Variants in SYN3 observed in about 807,000 individuals in gnomAD.
The protein encoded by SYN3 is synapsin-3.
SYN3 carries 35 observed loss-of-function variants against 65.8 expected under a neutral mutation model. That is an observed-to-expected ratio of 0.53 (90% CI 0.41 to 0.70). SYN3 has a LOEUF of 0.70. SYN3 is among the 30% of genes least tolerant of loss of function. The pLI is 0.00. For missense variants in SYN3, 680 were observed against 749.0 expected (o/e 0.91, Z 1.08); for synonymous variants, 270 against 292.9 (o/e 0.92, Z 0.80).
chr22:32,696,089 G>C (rs959583508), intron 6 of SYN3, among the ~76,000 whole-genome samples: 1 of 152,122 alleles, frequency 6.6e-6, no homozygotes, highest in Admixed American at 6.5e-5. Context: ...CTAGTGTAAG[G>C]GTCCAGTGCT....
chr22:33,027,619 GA>G, intron 1 of SYN3, among the ~76,000 whole-genome samples: 1 of 119,366 alleles, frequency 8.4e-6, no homozygotes, highest in Admixed American at 8.4e-5. Flanking sequence ...GAGAAAGAAG[GA>G]AAGACAGACA....
chr22:32,558,018 T>C (rs192987882), intron 7 of SYN3, among the ~76,000 whole-genome samples: 2 of 152,370 alleles, frequency 1.3e-5, no homozygotes, highest in Admixed American at 1.3e-4. Context: ...GTTGAGTTTG[T>C]AACTGTGTAT....
At position 32,512,338 on chromosome 22, in the gene SYN3, CAT is replaced by C. The variant is rs1247294297; in HGVS notation, c.*1352_*1353del. ...TGCGAAGTGGGAGGCAAGGGGCTAA[CAT>C]GGCTATGTTCTAATATCTTGGGCTC... On this transcript the variant is annotated 3_prime_UTR_variant, in exon 14 of 14. Coordinates refer to ENST00000358763, the MANE Select transcript of SYN3 (RefSeq NM_003490.4). Among the ~76,000 whole-genome samples the C allele has an allele frequency of 6.6e-6, 1 of 152,196 alleles. No homozygotes were observed. The highest frequency in any genetic ancestry group is 1.5e-5 in the Non-Finnish European group (1 of 68,032).
At chr22:32,673,485 G>T (rs1365214087) in intron 6 of SYN3, among the ~76,000 whole-genome samples, 1 of 152,142 alleles carries the variant, frequency 6.6e-6, no homozygotes, top group Non-Finnish European at 1.5e-5. Flanking sequence ...ATAAACAAAA[G>T]ATTTCAAGAA....
intron 7 of SYN3, among the ~76,000 whole-genome samples, chr22:32,580,480 T>C (rs1012344634): frequency 6.6e-6 from 1 of 152,176 alleles, no homozygotes; most frequent in African/African-American, 2.4e-5. Flanking sequence ...GTGCCTAAAT[T>C]TATAAATTAA....
intron 1 of SYN3, among the ~76,000 whole-genome samples, chr22:33,013,755 A>ATTC (rs1223834141): frequency 6.6e-6 from 1 of 152,064 alleles, no homozygotes; most frequent in Admixed American, 6.6e-5. Context: ...AGGCAACCAC[A>ATTC]TTCTACTCTC....
intron 6 of SYN3, among the ~76,000 whole-genome samples, chr22:32,839,908 G>C (rs2047844214): frequency 6.6e-6 from 1 of 151,884 alleles, no homozygotes; most frequent in South Asian, 2.1e-4. Context: ...ACGTCAGCAG[G>C]GGCCCTGAGT....
chr22:32,593,762 C>T (rs145378135), intron 7 of SYN3, among the ~76,000 whole-genome samples: 7 of 152,164 alleles, frequency 4.6e-5, no homozygotes, highest in South Asian at 4.1e-4. Flanking sequence ...AAAGGTGACT[C>T]GGGAGTCTGT....
intron 7 of SYN3, among the ~76,000 whole-genome samples, chr22:32,554,659 A>G (rs135486): frequency 0.87 from 132,060 of 152,020 alleles, 57,560 homozygotes; most frequent in African/African-American, 0.95. Flanking sequence ...CTTAGACTGT[A>G]TGGTCCAACC....
chr22:32,968,605 T>C (rs2146927658), intron 3 of SYN3, among the ~76,000 whole-genome samples: 1 of 152,306 alleles, frequency 6.6e-6, no homozygotes, highest in East Asian at 1.9e-4. Flanking sequence ...TGGCATACCC[T>C]GGTCATTTGC....
intron 7 of SYN3, among the ~76,000 whole-genome samples, chr22:32,563,590 G>A (rs2058616986): frequency 6.6e-6 from 1 of 152,188 alleles, no homozygotes; most frequent in South Asian, 2.1e-4. Context: ...GTGTGAGGAG[G>A]CATGTGCCGA....
At chr22:32,586,137 TACATATAC>T (rs1260805609) in intron 7 of SYN3, among the ~76,000 whole-genome samples, 2 of 150,982 alleles carry the variant, frequency 1.3e-5, no homozygotes, top group East Asian at 3.9e-4. Context: ...TGTATGTATA[TACATATAC>T]ACATATACAC....
At chr22:32,780,180 A>G (rs1376383617) in intron 6 of SYN3, among the ~76,000 whole-genome samples, 1 of 151,970 alleles carries the variant, frequency 6.6e-6, no homozygotes, top group Non-Finnish European at 1.5e-5. Context: ...CTGTCTGGTT[A>G]CAAAGGAAGC....
At chr22:32,572,406 C>A (rs1424222801) in intron 7 of SYN3, among the ~76,000 whole-genome samples, 2 of 81,924 alleles carry the variant, frequency 2.4e-5, no homozygotes, top group Non-Finnish European at 4.7e-5. Context: ...CTCCCTCCCT[C>A]CTGTCTTTCC....
At chr22:32,805,225 C>T (rs1352894912) in intron 6 of SYN3, among the ~76,000 whole-genome samples, 1 of 152,154 alleles carries the variant, frequency 6.6e-6, no homozygotes, top group African/African-American at 2.4e-5. Flanking sequence ...GGAATTTGAG[C>T]ATGAGGCTCA....
chr22:32,954,474 A>G (rs578118467), intron 3 of SYN3, among the ~76,000 whole-genome samples: 1 of 152,376 alleles, frequency 6.6e-6, no homozygotes, highest in East Asian at 1.9e-4. Context: ...AACAGTGGTT[A>G]ATGTTTCCTT....
chr22:32,623,199 T>C (rs1486611250), intron 6 of SYN3, among the ~76,000 whole-genome samples: 2 of 152,010 alleles, frequency 1.3e-5, no homozygotes, highest in African/African-American at 4.8e-5. Context: ...AGTTTTTTTT[T>C]CAATGGAGAC....
chr22:32,777,452 A>C (rs184860181), intron 6 of SYN3, among the ~76,000 whole-genome samples: 1 of 152,228 alleles, frequency 6.6e-6, no homozygotes, highest in African/African-American at 2.4e-5. Flanking sequence ...GACTCGGTGC[A>C]ATATTGTCCC....
chr22:32,814,565 T>C (rs2047038081), intron 6 of SYN3, among the ~76,000 whole-genome samples: 1 of 152,214 alleles, frequency 6.6e-6, no homozygotes, highest in South Asian at 2.1e-4. Flanking sequence ...CTGATAAATA[T>C]GGTAACATCA....
Sources: allele counts gnomAD v4.1 joint callset (sites outside exome capture counted in the v4.1 genomes callset), GRCh38; gene constraint gnomAD v4.1.1; transcripts MANE v1.5; gene names NCBI Gene and HGNC (gene_info 2026-07-23, HGNC 2026-07-21).